RSBN1L: variants seen among roughly 807,000 people sequenced by gnomAD.
RSBN1L encodes the protein round spermatid basic protein 1 like, also known as lysine-specific demethylase RSBN1L.
A neutral mutation model predicts 67.7 loss-of-function variants in RSBN1L; 30 were observed. The ratio of observed to expected loss-of-function variants is 0.44; its 90% CI spans 0.33 to 0.60. The LOEUF is 0.60. RSBN1L is among the 20% of genes least tolerant of loss of function. The probability of loss-of-function intolerance (pLI) is 0.02; values close to 1 mark genes in which losing one functional copy is unlikely to be tolerated. For missense variants in RSBN1L, 992 were observed against 1,031.7 expected (o/e 0.96, Z 0.53); for synonymous variants, 433 against 387.0 (o/e 1.12, Z -1.39).
At chr7:77,730,174 A>G (rs1316049053) in intron 1 of RSBN1L, among the ~76,000 whole-genome samples, 1 of 152,020 alleles carries the variant, frequency 6.6e-6, no homozygotes, top group Non-Finnish European at 1.5e-5. Flanking sequence ...AAACTGTATC[A>G]TAGGTCTGTT....
rs1562812769 is a variant in RSBN1L, at chr7:77,779,091, C to T, written c.2464C>T (p.Leu822=). The T allele has an allele frequency of 6.2e-6, 10 of 1,613,232 alleles. No individual in the cohort carries two copies. Among genetic ancestry groups the T allele is most frequent in the Non-Finnish European group, 8.5e-6 (10 of 1,179,326 alleles). The change falls in exon 8 of 8, where the codon CTA becomes TTA. Residue 822 remains leucine, a synonymous_variant. Transcript: ENST00000334955. ...DLKEELCPGN[L]SLVDTRQHSS... is the part of the protein sequence containing the mutation. ...AAAGGAAGAATTGTGCCCTGGAAATCTAAGTCTAGTTGATACAAGGCAACA... is the reference window on the plus strand; with the variant it reads ...AAAGGAAGAATTGTGCCCTGGAAATTTAAGTCTAGTTGATACAAGGCAACA...
chr7:77,752,791 A>T (rs1384297783), intron 3 of RSBN1L, among the ~76,000 whole-genome samples: 1 of 152,186 alleles, frequency 6.6e-6, no homozygotes. Flanking sequence ...CTTTATCAGT[A>T]CTGTGCCAAC....
At chr7:77,707,652 T>C (rs907623748) in intron 1 of RSBN1L, among the ~76,000 whole-genome samples, 4 of 152,204 alleles carry the variant, frequency 2.6e-5, no homozygotes, top group African/African-American at 4.8e-5. Flanking sequence ...GAGTAAATGT[T>C]CACTATTACT....
Position 77,737,032 on chromosome 7 carries a change from T to C in RSBN1L, c.703+506T>C, listed in dbSNP as rs748686194. On this transcript the variant is annotated intron_variant, in intron 2 of 7. Transcript: ENST00000334955. The stretch of plus-strand genomic sequence containing the variant: ...AATATCCTTGTTTTATTCTTTTTTT[T>C]CTCTGTTACAGTTGCATTCATTTGC... Among the ~76,000 whole-genome samples, 11 of 152,088 alleles carry C rather than the reference T, an allele frequency of 7.2e-5. 1 individual carries two copies. The highest frequency in any genetic ancestry group is 2.2e-4 in the African/African-American group (9 of 41,414).
Position 77,731,681 on chromosome 7 carries a change from C to T in RSBN1L, c.587-4729C>T, listed in dbSNP as rs149436752. ...TTTAGTCCCTTGACTGTGTCTTCTG[C>T]AGAACAGAAAATTTTAATTTTAATG... On this transcript the variant is annotated intron_variant, in intron 1 of 7. Coordinates refer to ENST00000334955, the MANE Select transcript of RSBN1L (RefSeq NM_198467.3). Among the ~76,000 whole-genome samples, 152 of 152,198 alleles carry T rather than the reference C, an allele frequency of 1.0e-3. 2 individuals carry two copies. Among genetic ancestry groups the T allele is most frequent in the South Asian group, 4.4e-3 (21 of 4,820 alleles).
intron 1 of RSBN1L, among the ~76,000 whole-genome samples, chr7:77,720,924 A>G (rs1168984449): frequency 1.3e-5 from 2 of 151,602 alleles, no homozygotes; most frequent in African/African-American, 4.8e-5. Context: ...GCCCGGCTAC[A>G]TTTTGTATTT....
chr7:77,726,172 A>G (rs1218242223), intron 1 of RSBN1L, among the ~76,000 whole-genome samples: 1 of 152,212 alleles, frequency 6.6e-6, no homozygotes, highest in East Asian at 1.9e-4. Context: ...ACATTTTTCT[A>G]GCACGTTTAT....
chr7:77,729,021 A>T (rs542466360), intron 1 of RSBN1L, among the ~76,000 whole-genome samples: 3 of 150,110 alleles, frequency 2.0e-5, no homozygotes, highest in East Asian at 3.9e-4. Context: ...TTATTTATTT[A>T]TTTTTTAACA....
In RSBN1L at chr7:77,749,804, A is replaced by C; in HGVS notation, c.1084A>C (p.Ile362Leu). The C allele has an allele frequency of 1.2e-6, 2 of 1,614,210 alleles. No individual in the cohort carries two copies. The highest frequency in any genetic ancestry group is 1.1e-5 in the South Asian group (1 of 91,086). The change falls in exon 3 of 8, where the codon ATC (isoleucine) becomes CTC (leucine). Residue 362 changes from isoleucine to leucine, a missense_variant. Around this residue, in one of 7 missense-constraint regions of RSBN1L, gnomAD observed 575 missense variants for 483.2 expected, o/e 1.19. Transcript: ENST00000334955. The stretch of plus-strand genomic sequence containing the variant: ...CCAGCCTAATGGAGGTGCATCGGTT[A>C]TCCATGCCTACAGTAACGAACTCTC... ...EHQPNGGASV[I>L]HAYSNELSHL...
chr7:77,765,680 G>A (rs1162278847), intron 4 of RSBN1L, 48 bp downstream of exon 4: 4 of 1,334,716 alleles, frequency 3.0e-6, no homozygotes, highest in Non-Finnish European at 4.0e-6. Context: ...TTAAAAAAGG[G>A]AAGAAAAACC....
At chr7:77,741,820 A>C (rs62460712) in intron 2 of RSBN1L, among the ~76,000 whole-genome samples, 1 of 152,082 alleles carries the variant, frequency 6.6e-6, no homozygotes, top group Non-Finnish European at 1.5e-5. Flanking sequence ...CTGCATACAT[A>C]TCTACTGCAT....
At chr7:77,756,759 A>G (rs1473121640) in intron 3 of RSBN1L, among the ~76,000 whole-genome samples, 1 of 152,202 alleles carries the variant, frequency 6.6e-6, no homozygotes, top group Non-Finnish European at 1.5e-5. Flanking sequence ...AGCCTGGACG[A>G]CAGAGTGAGA....
intron 3 of RSBN1L, among the ~76,000 whole-genome samples, chr7:77,753,927 A>G (rs913074310): frequency 1.3e-5 from 2 of 152,168 alleles, no homozygotes; most frequent in African/African-American, 2.4e-5. Context: ...TCCTCATTGT[A>G]TTGTAGTGTC....
chr7:77,742,090 G>A (rs1176501327), intron 2 of RSBN1L, among the ~76,000 whole-genome samples: 1 of 151,450 alleles, frequency 6.6e-6, no homozygotes, highest in Non-Finnish European at 1.5e-5. Flanking sequence ...AGCATTTTGG[G>A]GAGCTGGGGC....
intron 3 of RSBN1L, among the ~76,000 whole-genome samples, chr7:77,759,976 A>G (rs2150429599): frequency 6.6e-6 from 1 of 152,304 alleles, no homozygotes; most frequent in South Asian, 2.1e-4. Context: ...ATGTTTTGGG[A>G]AACAGCAGGT....
At chr7:77,722,587 C>A (rs893566689) in intron 1 of RSBN1L, among the ~76,000 whole-genome samples, 8 of 152,074 alleles carry the variant, frequency 5.3e-5, no homozygotes, top group Non-Finnish European at 7.4e-5. Flanking sequence ...CCTTTCTCTT[C>A]TTTTTACTGT....
chr7:77,743,334 C>T (rs1454151052), intron 2 of RSBN1L, among the ~76,000 whole-genome samples: 2 of 152,054 alleles, frequency 1.3e-5, no homozygotes, highest in Non-Finnish European at 2.9e-5. Flanking sequence ...TGCAGTGGCT[C>T]ATGCCTGTAA....
At chr7:77,720,341 A>G (rs1791098886) in intron 1 of RSBN1L, among the ~76,000 whole-genome samples, 1 of 152,034 alleles carries the variant, frequency 6.6e-6, no homozygotes, top group South Asian at 2.1e-4. Context: ...TGGGTGGATC[A>G]CCTGAGGTTG....
chr7:77,751,031 T>A (rs1025260414), intron 3 of RSBN1L, among the ~76,000 whole-genome samples: 1 of 152,228 alleles, frequency 6.6e-6, no homozygotes, highest in Admixed American at 6.5e-5. Context: ...CAAGTTATAG[T>A]TTCCACTTTA....
Sources: allele counts gnomAD v4.1 joint callset (sites outside exome capture counted in the v4.1 genomes callset), GRCh38; gene constraint gnomAD v4.1.1; regional missense constraint gnomAD v4.1.1; transcripts MANE v1.5; gene names NCBI Gene and HGNC (gene_info 2026-07-23, HGNC 2026-07-21).